Variants in TBC1D22B observed in about 807,000 individuals in gnomAD.
TBC1D22B encodes chromosome 6 open reading frame 197.
A neutral mutation model predicts 69.1 loss-of-function variants in TBC1D22B; 32 were observed. The ratio of observed to expected loss-of-function variants is 0.46; its 90% CI spans 0.35 to 0.62. The LOEUF is 0.62. Ranked by LOEUF, TBC1D22B falls within the 20% of genes least tolerant of loss-of-function variation. The pLI is 0.00. For synonymous variants in TBC1D22B, 206 were observed against 229.8 expected (o/e 0.90, Z 0.94); for missense variants, 462 against 630.9 (o/e 0.73, Z 2.87).
chr6:37,259,460 T>G (rs73419823), intron 1 of TBC1D22B, among the ~76,000 whole-genome samples: 4,845 of 152,154 alleles, frequency 0.032, 244 homozygotes, highest in African/African-American at 0.11. Flanking sequence ...ATTATAATCA[T>G]AATCAATAGG....
intron 1 of TBC1D22B, among the ~76,000 whole-genome samples, chr6:37,262,555 G>A (rs7761532): frequency 0.86 from 131,329 of 152,236 alleles, 56,734 homozygotes; most frequent in South Asian, 0.92. Context: ...ACTTGAAGCC[G>A]ATCCTAAAAT....
intron 8 of TBC1D22B, among the ~76,000 whole-genome samples, chr6:37,300,433 C>T (rs1384636192): frequency 6.6e-6 from 1 of 152,096 alleles, no homozygotes; most frequent in Admixed American, 6.5e-5. Flanking sequence ...ACAATCTTGG[C>T]TCACTGCAAC....
chr6:37,282,028 T>G (rs1033659453), intron 3 of TBC1D22B, among the ~76,000 whole-genome samples, 157 bp from the exon 4 acceptor site: 1 of 152,324 alleles, frequency 6.6e-6, no homozygotes, highest in Admixed American at 6.5e-5. Context: ...GGCTGGGTTC[T>G]GGCCCCTCGC....
rs570726754 is a variant in TBC1D22B, at chr6:37,287,784, C to T, written c.867+712C>T. Among the ~76,000 whole-genome samples, 5 of 152,296 alleles carry T rather than the reference C, an allele frequency of 3.3e-5. No individual in the cohort carries two copies. The South Asian group carries it at 8.3e-4, about 25-fold the overall frequency. On this transcript the variant is annotated intron_variant, in intron 7 of 12. Transcript: ENST00000373491. ...TGAGCTGTTCATCTATCAGTGGACACATGGGTTGCTTTCACCTTTTGGCTA... is the reference window on the plus strand; with the variant it reads ...TGAGCTGTTCATCTATCAGTGGACATATGGGTTGCTTTCACCTTTTGGCTA...
At chr6:37,281,598 C>T (rs112302615) in intron 3 of TBC1D22B, among the ~76,000 whole-genome samples, 62 of 152,296 alleles carry the variant, frequency 4.1e-4, no homozygotes, top group African/African-American at 1.3e-3. Context: ...ACAGGATGTG[C>T]GGGGATATTG....
At chr6:37,263,962 A>G (rs1347162174) in intron 1 of TBC1D22B, among the ~76,000 whole-genome samples, 2 of 152,076 alleles carry the variant, frequency 1.3e-5, no homozygotes, top group African/African-American at 2.4e-5. Context: ...GATGTTTATT[A>G]TATCATTTTC....
chr6:37,327,639 C>G (rs1005491932), intron 12 of TBC1D22B, among the ~76,000 whole-genome samples: 1 of 152,130 alleles, frequency 6.6e-6, no homozygotes, highest in Non-Finnish European at 1.5e-5. Context: ...CAAAGATGTT[C>G]CGATCAGCTA....
intron 8 of TBC1D22B, among the ~76,000 whole-genome samples, chr6:37,303,285 C>T (rs1767620233): frequency 6.6e-6 from 1 of 152,166 alleles, no homozygotes; most frequent in Non-Finnish European, 1.5e-5. Context: ...GGCTCTTCTC[C>T]TTCCCTTACC....
At chr6:37,306,753 A>G (rs1437907797) in intron 8 of TBC1D22B, among the ~76,000 whole-genome samples, 1 of 152,230 alleles carries the variant, frequency 6.6e-6, no homozygotes, top group East Asian at 1.9e-4. Context: ...TCCTATACTG[A>G]GCAGCCAGAG....
chr6:37,293,084 A>ATTTTT (rs1164959921), intron 8 of TBC1D22B, among the ~76,000 whole-genome samples: 1 of 143,452 alleles, frequency 7.0e-6, no homozygotes, highest in African/African-American at 2.6e-5. Flanking sequence ...TATTATTATT[A>ATTTTT]TTTTTTTTTT....
chr6:37,307,678 G>A (rs1023163802), intron 8 of TBC1D22B, among the ~76,000 whole-genome samples: 3 of 152,096 alleles, frequency 2.0e-5, no homozygotes, highest in African/African-American at 7.2e-5. Flanking sequence ...ATTACGCAAG[G>A]TATTCTTATG....
chr6:37,259,495 G>A (rs1765993334), intron 1 of TBC1D22B, among the ~76,000 whole-genome samples: 1 of 152,182 alleles, frequency 6.6e-6, no homozygotes, highest in Admixed American at 6.5e-5. Flanking sequence ...AGGAAGCAGT[G>A]TAAGAGATGT....
At chr6:37,324,676 T>C (rs866720578) in intron 12 of TBC1D22B, among the ~76,000 whole-genome samples, 12 of 152,188 alleles carry the variant, frequency 7.9e-5, no homozygotes, top group African/African-American at 2.4e-4. Flanking sequence ...AGTGAATGCT[T>C]CTAGATTTCC....
At chr6:37,308,087 C>T (rs1402055515) in intron 8 of TBC1D22B, among the ~76,000 whole-genome samples, 3 of 152,128 alleles carry the variant, frequency 2.0e-5, no homozygotes, top group African/African-American at 7.2e-5. Flanking sequence ...CCCAGAGTGG[C>T]CAATTTGATT....
intron 12 of TBC1D22B, 130 bp from the exon 13 acceptor site, chr6:37,330,914 G>A: frequency 1.1e-6 from 1 of 907,786 alleles, no homozygotes; most frequent in Non-Finnish European, 1.7e-6. Flanking sequence ...GGAGGAAGGA[G>A]GCTGGACTCT....
At chr6:37,313,069 G>A in intron 9 of TBC1D22B, 45 bp downstream of exon 9, 1 of 1,460,742 alleles carries the variant, frequency 6.8e-7, no homozygotes, top group Non-Finnish European at 9.6e-7. Context: ...TAGGTCCAGA[G>A]GCTCCCAGCA....
At chr6:37,284,127 C>T (rs1394211602) in intron 5 of TBC1D22B, among the ~76,000 whole-genome samples, 4 of 152,214 alleles carry the variant, frequency 2.6e-5, no homozygotes, top group African/African-American at 9.6e-5. Context: ...GTAAATAATC[C>T]TGGGAAAGCT....
rs70977641 is a variant in TBC1D22B at position 37,261,944 on chromosome 6, A to AGT, written c.56+4022_56+4023dup. On this transcript the variant is annotated intron_variant, in intron 1 of 12. Coordinates refer to ENST00000373491, the MANE Select transcript of TBC1D22B (RefSeq NM_017772.4). ...GGGGAAAAATAAAAAAGCTTTGGTC[A>AGT]GTGTGTGTGTGTGTGTGTGTGTGTG... is the stretch of plus-strand genomic sequence containing the variant. 9.3e-3 allele frequency among the ~76,000 whole-genome samples: 1,103 copies of AGT among 118,794 alleles called. 8 individuals carry two copies. The highest frequency in any genetic ancestry group is 0.013 in the Non-Finnish European group (744 of 59,408). 77.9% of individuals were successfully genotyped at this position (118,794 alleles called of 152,430 possible).
chr6:37,328,379 T>A (rs182470184), intron 12 of TBC1D22B, among the ~76,000 whole-genome samples: 83 of 152,310 alleles, frequency 5.4e-4, no homozygotes, highest in African/African-American at 1.9e-3. Flanking sequence ...TTTCTAGGAA[T>A]TTGGCTTAGG....
Sources: gnomAD v4.1 joint callset for allele counts (sites outside exome capture counted in the v4.1 genomes callset) on GRCh38, gnomAD v4.1.1 for gene constraint, MANE v1.5 for transcripts, NCBI Gene and HGNC (gene_info 2026-07-23, HGNC 2026-07-21) for gene names.